Variants in RREB1 observed in about 807,000 individuals in gnomAD.
RREB1 encodes the protein ras responsive element binding protein 1, also known as ras-responsive element-binding protein 1.
In RREB1, 27 loss-of-function variants were observed where a neutral mutation model predicts 117.8. That is an observed-to-expected ratio of 0.23 (90% CI 0.17 to 0.32). The LOEUF (loss-of-function observed/expected upper bound fraction) is 0.32. RREB1 is among the 10% of genes least tolerant of loss of function. The probability of loss-of-function intolerance (pLI) is 1.00; values close to 1 mark genes in which losing one functional copy is unlikely to be tolerated. For synonymous variants in RREB1, 1,298 were observed against 1,026.7 expected (o/e 1.26, Z -5.05); for missense variants, 2,577 against 2,378.2 (o/e 1.08, Z -1.74).
chr6:7,186,934 G>A (rs951810431), intron 4 of RREB1, among the ~76,000 whole-genome samples: 2 of 152,216 alleles, frequency 1.3e-5, no homozygotes, highest in Non-Finnish European at 2.9e-5. Context: ...TGCACAGCTA[G>A]GCACTGAGGG....
chr6:7,112,987 GTAC>G (rs1191798552), intron 1 of RREB1, among the ~76,000 whole-genome samples: 1 of 152,208 alleles, frequency 6.6e-6, no homozygotes, highest in African/African-American at 2.4e-5. Context: ...GACTTCAAGG[GTAC>G]TGAAGTTAGC....
At chr6:7,178,043 A>G (rs137938250) in intron 2 of RREB1, among the ~76,000 whole-genome samples, 62 of 152,014 alleles carry the variant, frequency 4.1e-4, no homozygotes, top group African/African-American at 1.4e-3. Context: ...TTTATTTTGT[A>G]TAGGTGGGGT....
intron 10 of RREB1, among the ~76,000 whole-genome samples, chr6:7,236,485 T>G (rs1315186578): frequency 6.6e-6 from 1 of 152,176 alleles, no homozygotes; most frequent in African/African-American, 2.4e-5. Context: ...TCCTTTTAGC[T>G]TTCTTAAAAG....
At chr6:7,175,400 GT>G (rs1445067100) in intron 1 of RREB1, among the ~76,000 whole-genome samples, 2 of 152,034 alleles carry the variant, frequency 1.3e-5, no homozygotes, top group Non-Finnish European at 2.9e-5. Context: ...CAGTTTGAGG[GT>G]CTCTGCATTC....
At chr6:7,172,055 C>T (rs1420375907) in intron 1 of RREB1, among the ~76,000 whole-genome samples, 1 of 151,908 alleles carries the variant, frequency 6.6e-6, no homozygotes, top group Admixed American at 6.5e-5. Context: ...ATGCAATCCT[C>T]CTGCCTCAGC....
At chr6:7,213,614 G>A (rs1321732155) in intron 8 of RREB1, 2 of 152,230 alleles carry the variant, frequency 1.3e-5, no homozygotes, top group East Asian at 2.0e-4. Context: ...GTGGGCTTGT[G>A]GTGGGTGGCA....
chr6:7,172,496 C>T (rs796725287), intron 1 of RREB1, among the ~76,000 whole-genome samples: 24 of 151,638 alleles, frequency 1.6e-4, no homozygotes, highest in African/African-American at 5.3e-4. Flanking sequence ...GATCCTCCTG[C>T]CTCTCCGTCC....
chr6:7,119,925 G>A (rs1037023266), intron 1 of RREB1, among the ~76,000 whole-genome samples: 3 of 152,130 alleles, frequency 2.0e-5, no homozygotes, highest in African/African-American at 7.2e-5. Flanking sequence ...AGAGGTGGGA[G>A]GGGCTTGGCG....
intron 6 of RREB1, among the ~76,000 whole-genome samples, chr6:7,210,399 G>A (rs1382502682): frequency 6.6e-6 from 1 of 152,228 alleles, no homozygotes; most frequent in East Asian, 1.9e-4. Flanking sequence ...CTTGGGGCAA[G>A]GATAGCATTA....
In RREB1 at chr6:7,247,113, C is replaced by A. The variant is rs1203171285; in HGVS notation, c.4663C>A (p.Pro1555Thr). 7.4e-6 allele frequency: 12 copies of A among 1,613,890 alleles called. 1 individual carries two copies. The Admixed American group carries it at 2.0e-4, about 27-fold the overall frequency. ...DDDKKPKTDS[P>T]KSVASKADKR... The stretch of plus-strand genomic sequence containing the variant: ...TGACAAGAAACCAAAGACAGACTCC[C>A]CCAAAAGCGTGGCCAGCAAGGCAGA... Residue 1555 changes from proline to threonine, a missense_variant, in exon 12 of 13, where the codon CCC becomes ACC. Transcript: ENST00000379938.
At chr6:7,159,291 A>G (rs1713448492) in intron 1 of RREB1, among the ~76,000 whole-genome samples, 1 of 152,202 alleles carries the variant, frequency 6.6e-6, no homozygotes, top group Admixed American at 6.5e-5. Context: ...ACTTCTTTAC[A>G]GAAAACCTCC....
At chr6:7,182,983 T>C (rs1764883510) in intron 4 of RREB1, 1 of 152,240 alleles carries the variant, frequency 6.6e-6, no homozygotes, top group East Asian at 1.9e-4. Flanking sequence ...GCTGTCCTTA[T>C]ACAGAATTCT....
intron 1 of RREB1, among the ~76,000 whole-genome samples, chr6:7,136,325 T>G (rs1762348480): frequency 6.6e-6 from 1 of 152,244 alleles, no homozygotes; most frequent in South Asian, 2.1e-4. Flanking sequence ...GATTTTAGTT[T>G]GTTTTGAAGA....
At chr6:7,130,335 A>ATC (rs1243548653) in intron 1 of RREB1, among the ~76,000 whole-genome samples, 15 of 152,292 alleles carry the variant, frequency 9.8e-5, no homozygotes, top group African/African-American at 3.6e-4. Context: ...AAGCGCCTGA[A>ATC]AGAGAGGCAA....
intron 1 of RREB1, among the ~76,000 whole-genome samples, chr6:7,161,220 C>T (rs577335010): frequency 1.3e-5 from 2 of 152,220 alleles, no homozygotes; most frequent in East Asian, 3.9e-4. Flanking sequence ...TGGGAGAGGT[C>T]AGCCTGCTTA....
At chr6:7,155,871 T>C (rs1433603898) in intron 1 of RREB1, among the ~76,000 whole-genome samples, 1 of 152,248 alleles carries the variant, frequency 6.6e-6, no homozygotes, top group African/African-American at 2.4e-5. Context: ...GGCCCATGTA[T>C]TCCCTTGGCT....
chr6:7,205,985 A>T (rs1766250782), intron 6 of RREB1, among the ~76,000 whole-genome samples: 1 of 152,234 alleles, frequency 6.6e-6, no homozygotes, highest in Non-Finnish European at 1.5e-5. Context: ...GTGTTCGTTC[A>T]TCACTGTAAA....
intron 8 of RREB1, among the ~76,000 whole-genome samples, chr6:7,220,613 G>A (rs1168615748): frequency 6.6e-6 from 1 of 152,134 alleles, no homozygotes; most frequent in East Asian, 1.9e-4. Flanking sequence ...TTCCAACATC[G>A]AGTTATCTCT....
At chr6:7,201,494 T>TCC (rs11352594) in intron 6 of RREB1, among the ~76,000 whole-genome samples, 253 of 115,214 alleles carry the variant, frequency 2.2e-3, no homozygotes, top group African/African-American at 6.5e-3. Context: ...GGCAACATTG[T>TCC]CCCCCCCCCC....
Sources: gnomAD v4.1 joint callset for allele counts (sites outside exome capture counted in the v4.1 genomes callset) on GRCh38, gnomAD v4.1.1 for gene constraint, MANE v1.5 for transcripts, NCBI Gene and HGNC (gene_info 2026-07-23, HGNC 2026-07-21) for gene names.